Variants in PPIL1 observed in about 807,000 individuals in gnomAD.
The protein encoded by PPIL1 is peptidyl-prolyl cis-trans isomerase-like 1.
A neutral mutation model predicts 19.4 loss-of-function variants in PPIL1; 14 were observed. That is an observed-to-expected ratio of 0.72 (90% confidence interval 0.48 to 1.13). The LOEUF is 1.13. PPIL1 is among the 50% of genes most tolerant of loss of function. PPIL1 has a pLI of 0.00. For missense variants in PPIL1, 192 were observed against 218.0 expected (o/e 0.88, Z 0.75); for synonymous variants, 72 against 73.6 (o/e 0.98, Z 0.11).
intron 1 of PPIL1, 62 bp from the exon 2 acceptor site, chr6:36,871,934 T>C: frequency 2.8e-6 from 4 of 1,416,006 alleles, no homozygotes; most frequent in Non-Finnish European, 3.8e-6. Flanking sequence ...AGGAGTATTA[T>C]GGAACTGCTC....
At chr6:36,857,956 G>A (rs370461586) in intron 2 of PPIL1, among the ~76,000 whole-genome samples, 3 of 152,184 alleles carry the variant, frequency 2.0e-5, no homozygotes, top group East Asian at 3.9e-4. Context: ...TAGACCAGGC[G>A]CGGTGGCTCA....
chr6:36,864,710 A>G (rs61006307), intron 2 of PPIL1, among the ~76,000 whole-genome samples: 21,132 of 152,172 alleles, frequency 0.14, 1,718 homozygotes, highest in East Asian at 0.27. Context: ...CCTTCAATGC[A>G]CAGGACAGCA....
At chr6:36,870,680 G>A (rs1387184430) in intron 2 of PPIL1, among the ~76,000 whole-genome samples, 1 of 152,050 alleles carries the variant, frequency 6.6e-6, no homozygotes, top group Non-Finnish European at 1.5e-5. Flanking sequence ...GACTGCAGTG[G>A]TGCGATCTTG....
In PPIL1 at chr6:36,855,752, G is replaced by T; in HGVS notation, c.*61C>A. 1 of 1,535,176 alleles carries T rather than the reference G, an allele frequency of 6.5e-7. No homozygotes were observed. Among genetic ancestry groups the T allele is most frequent in the Non-Finnish European group, 9.0e-7 (1 of 1,109,374 alleles). On this transcript the variant is annotated 3_prime_UTR_variant, in exon 4 of 4. Transcript: ENST00000373699. Reference sequence around the variant, plus strand: ...AATTTAGCATTACATGTCATTCTATGTCATCTAGAAGCTGGTTCACTGGGG... The same window carrying T: ...AATTTAGCATTACATGTCATTCTATTTCATCTAGAAGCTGGTTCACTGGGG...
rs1456089767 is a variant in PPIL1, at chr6:36,856,603, G to A, written c.263C>T (p.Pro88Leu). ...ACACTTACCCGTGAATTTCAAGTCT[G>A]GATGAAGTTCATCTTCAAACTGTTT... ...YGKQFEDELH[P>L]DLKFTGAGIL... is the part of the protein sequence containing the mutation. Residue 88 changes from proline to leucine, a missense_variant, in exon 3 of 4, where the codon CCA becomes CTA. Physicochemically the swap from Pro to Leu is moderately conservative, Grantham distance 98. Coordinates refer to ENST00000373699, the MANE Select transcript of PPIL1 (RefSeq NM_016059.5). 5.6e-6 allele frequency: 9 copies of A among 1,613,984 alleles called. No individual in the cohort carries two copies. Among genetic ancestry groups the A allele is most frequent in the Non-Finnish European group, 7.6e-6 (9 of 1,179,964 alleles).
At position 36,856,463 on chromosome 6, in the gene PPIL1, G is replaced by A. The variant is rs148002619; in HGVS notation, c.280+123C>T. ...CTAATCCACCAGGGCACTTCATGGC[G>A]CCATGGCTGGGCAGCTATCTGGCAC... On this transcript the variant is annotated intron_variant, in intron 3 of 3. Transcript: ENST00000373699. 1.4e-4 allele frequency: 119 copies of A among 869,466 alleles called. 1 individual carries two copies. In the African/African-American group the frequency reaches 1.6e-3, roughly 12 times the overall value. 53.9% of individuals were successfully genotyped at this position (869,466 alleles called of 1,614,324 possible).
intron 2 of PPIL1, 54 bp downstream of exon 2, chr6:36,871,664 G>A: frequency 6.5e-7 from 1 of 1,542,748 alleles, no homozygotes; most frequent in South Asian, 1.2e-5. Flanking sequence ...TAGAAAAAAA[G>A]ACGAAAAGGA....
At chr6:36,872,034 T>A in intron 1 of PPIL1, 162 bp from the exon 2 acceptor site, 1 of 598,090 alleles carries the variant, frequency 1.7e-6, no homozygotes, top group Non-Finnish European at 2.6e-6. Context: ...ACAATGCAAG[T>A]AACATAAACA....
intron 2 of PPIL1, among the ~76,000 whole-genome samples, chr6:36,857,423 C>T (rs930907658): frequency 9.2e-5 from 14 of 152,106 alleles, no homozygotes; most frequent in Non-Finnish European, 1.6e-4. Context: ...GAAGCTGAGG[C>T]AGGAGGACTG....
Position 36,855,694 on chromosome 6 carries a change from C to T in PPIL1, c.*119G>A. The T allele has an allele frequency of 1.0e-6, 1 of 997,714 alleles. No individual in the cohort carries two copies. Among genetic ancestry groups the T allele is most frequent in the Non-Finnish European group, 1.5e-6 (1 of 657,572 alleles). 61.8% of individuals were successfully genotyped at this position (997,714 alleles called of 1,614,324 possible). On this transcript the variant is annotated 3_prime_UTR_variant, in exon 4 of 4. Coordinates refer to ENST00000373699, the MANE Select transcript of PPIL1 (RefSeq NM_016059.5). ...CTCTAACTCACCCAAGATGCCAGGC[C>T]TCCTAAGCTTCATGACTTGCAAAGC... is the stretch of plus-strand genomic sequence containing the variant.
intron 2 of PPIL1, among the ~76,000 whole-genome samples, chr6:36,868,079 G>A (rs1774429587): frequency 1.3e-5 from 2 of 152,202 alleles, no homozygotes; most frequent in South Asian, 4.1e-4. Flanking sequence ...CTGGGAGAAA[G>A]TGGCTTCTCC....
chr6:36,866,585 T>C (rs1478650016), intron 2 of PPIL1, among the ~76,000 whole-genome samples: 5 of 152,036 alleles, frequency 3.3e-5, no homozygotes, highest in African/African-American at 1.2e-4. Context: ...AATTACACCA[T>C]GGAAATGTGA....
chr6:36,864,634 T>G (rs544358215), intron 2 of PPIL1, among the ~76,000 whole-genome samples: 3 of 152,222 alleles, frequency 2.0e-5, no homozygotes, highest in East Asian at 3.9e-4. Flanking sequence ...TGGAGACAAT[T>G]TGGGTTGTCA....
chr6:36,858,472 C>G (rs189646599), intron 2 of PPIL1: 4 of 152,396 alleles, frequency 2.6e-5, no homozygotes, highest in Admixed American at 2.6e-4. Context: ...AGCTCACTTC[C>G]TCTACTGCCT....
chr6:36,871,801 G>A lies in PPIL1; in HGVS notation c.128C>T (p.Ala43Val), dbSNP rs1240450915. 5.6e-6 allele frequency: 9 copies of A among 1,611,906 alleles called. No homozygotes were observed. Among genetic ancestry groups the A allele is most frequent in the African/African-American group, 2.7e-5 (2 of 74,762 alleles). Residue 43 changes from alanine to valine, a missense_variant, in exon 2 of 4, where the codon GCT (alanine) becomes GTT (valine). By Grantham distance (64) the Ala-to-Val change is moderately conservative (BLOSUM62 0). Coordinates refer to ENST00000373699, the MANE Select transcript of PPIL1 (RefSeq NM_016059.5). The part of the protein sequence containing the change: ...PKTCKNFAEL[A>V]RRGYYNGTKF... ...TGTGCCATTGTAGTAACCTCGACGA[G>A]CCAACTCAGCAAAGTTCTTACAGGT...
In PPIL1 at chr6:36,855,990, A is replaced by G. The variant is rs765644535; in HGVS notation, c.324T>C (p.Asn108=). ...CGAGGGTCACAAAGAACTGGCTGCC[A>G]TTGGTATCTGGCCCCGCATTGGCCA... ...LAMANAGPDT[N]GSQFFVTLAP... The change falls in exon 4 of 4, where the codon AAT becomes AAC. Residue 108 remains asparagine (N), a synonymous_variant. Transcript: ENST00000373699. 1 of 1,614,238 alleles carries G rather than the reference A, an allele frequency of 6.2e-7. No homozygotes were observed. The highest frequency in any genetic ancestry group is 1.1e-5 in the South Asian group (1 of 91,090).
intron 1 of PPIL1, among the ~76,000 whole-genome samples, chr6:36,872,607 G>A (rs1774537567): frequency 6.6e-6 from 1 of 151,038 alleles, no homozygotes; most frequent in Admixed American, 6.6e-5. Flanking sequence ...CTCCAAGGAT[G>A]TGACAATTTT....
intron 2 of PPIL1, among the ~76,000 whole-genome samples, chr6:36,857,799 G>A (rs1327160692): frequency 2.0e-5 from 3 of 152,086 alleles, no homozygotes; most frequent in African/African-American, 7.2e-5. Context: ...AATGAATAAA[G>A]GGAAAATGAA....
chr6:36,867,343 A>G (rs1027383690), intron 2 of PPIL1, among the ~76,000 whole-genome samples: 6 of 152,222 alleles, frequency 3.9e-5, no homozygotes, highest in African/African-American at 1.2e-4. Flanking sequence ...TCAAAAGTTC[A>G]CCAGCATCAA....
Sources: gnomAD v4.1 joint callset for allele counts (sites outside exome capture counted in the v4.1 genomes callset) on GRCh38, gnomAD v4.1.1 for gene constraint, MANE v1.5 for transcripts, NCBI Gene and HGNC (gene_info 2026-07-23, HGNC 2026-07-21) for gene names.